SMAD9: variants seen among roughly 807,000 people sequenced by gnomAD.
SMAD9 encodes the protein SMAD family member 9, also known as MAD homolog 9.
A neutral mutation model predicts 46.1 loss-of-function variants in SMAD9; 36 were observed. The observed-to-expected ratio is 0.78, with a 90% CI of 0.60 to 1.03. The LOEUF is 1.03. Ranked by LOEUF, SMAD9 falls within the 50% of genes least tolerant of loss-of-function variation. SMAD9 has a pLI of 0.00. For synonymous variants in SMAD9, 245 were observed against 237.1 expected, an observed-to-expected ratio of 1.03 and a Z score of -0.31; for missense variants, 572 against 599.8, an observed-to-expected ratio of 0.95 and a Z score of 0.48.
intron 1 of SMAD9, among the ~76,000 whole-genome samples, chr13:36,887,560 T>C (rs2058457599): frequency 6.6e-6 from 1 of 152,162 alleles, no homozygotes; most frequent in Non-Finnish European, 1.5e-5. Flanking sequence ...TAGCTGCTTA[T>C]ATGGAGAACA....
At chr13:36,916,352 A>G (rs1226855792) in intron 1 of SMAD9, among the ~76,000 whole-genome samples, 2 of 152,188 alleles carry the variant, frequency 1.3e-5, no homozygotes, top group Admixed American at 1.3e-4. Context: ...TGCTAATGCA[A>G]TAAGAGTATC....
At position 36,853,482 on chromosome 13, in the gene SMAD9, G is replaced by A. The variant is rs753425325; in HGVS notation, c.1197C>T (p.His399=). The change falls in exon 6 of 7, where the codon CAC becomes CAT. Residue 399 remains histidine, a synonymous_variant. Transcript: ENST00000379826. ...GTTCATACACGACTTCAAAGCCGTG[G>A]TGAACTGACTGGGCCAGGAGCTGAG... ...LFAQLLAQSV[H]HGFEVVYELT... 17 of 1,614,084 alleles carry A rather than the reference G, an allele frequency of 1.1e-5. No individual in the cohort carries two copies. The highest frequency in any genetic ancestry group is 8.9e-5 in the East Asian group (4 of 44,864).
chr13:36,858,531 T>G (rs987347882), intron 5 of SMAD9, among the ~76,000 whole-genome samples: 1 of 152,194 alleles, frequency 6.6e-6, no homozygotes, highest in African/African-American at 2.4e-5. Context: ...CAAGCTTGTT[T>G]GGGTCCAACT....
Position 36,853,442 on chromosome 13 carries a change from T to C in SMAD9, c.1237A>G (p.Thr413Ala). 1 of 1,614,114 alleles carries C rather than the reference T, an allele frequency of 6.2e-7. No homozygotes were observed. Among genetic ancestry groups the C allele is most frequent in the Non-Finnish European group, 8.5e-7 (1 of 1,180,010 alleles). The change falls in exon 6 of 7, where the codon ACT becomes GCT. Residue 413 changes from threonine (T) to alanine (A), a missense_variant. Transcript: ENST00000379826. ...ACCTTAACAAAACTCATCCGGATAG[T>C]ACACATCTTGGTCAGTTCATACACG... ...EVVYELTKMC[T>A]IRMSFVKGWG...
chr13:36,905,290 C>A (rs1593621596), intron 1 of SMAD9, among the ~76,000 whole-genome samples: 2 of 152,300 alleles, frequency 1.3e-5, no homozygotes, highest in African/African-American at 4.8e-5. Flanking sequence ...CACTCCCATT[C>A]TTTCTCTGTT....
Position 36,879,514 on chromosome 13 carries a change from A to C in SMAD9, c.176T>G (p.Leu59Arg), listed in dbSNP as rs2058382093. Residue 59 changes from leucine to arginine, a missense_variant, in exon 2 of 7, where the codon CTC (leucine) becomes CGC (arginine). Leu to Arg is a moderately radical substitution (Grantham distance 102). Coordinates refer to ENST00000379826, the MANE Select transcript of SMAD9 (RefSeq NM_001127217.3). Reference sequence around the variant, plus strand: ...TTTGCTGGGCTGCCCCGGGCAGCTGAGAGCCCTCTCCAGCTCGTCCATGGC... The same window carrying C: ...TTTGCTGGGCTGCCCCGGGCAGCTGCGAGCCCTCTCCAGCTCGTCCATGGC... ...KGAMDELERA[L>R]SCPGQPSKCV... 2 of 1,614,138 alleles carry C rather than the reference A, an allele frequency of 1.2e-6. No individual in the cohort carries two copies. The highest frequency in any genetic ancestry group is 1.7e-6 in the Non-Finnish European group (2 of 1,180,024).
At chr13:36,890,482 G>C (rs1288518548) in intron 1 of SMAD9, among the ~76,000 whole-genome samples, 4 of 152,138 alleles carry the variant, frequency 2.6e-5, no homozygotes, top group Non-Finnish European at 1.5e-5. Flanking sequence ...CGTAGTCAAT[G>C]AACCAGTTTT....
At chr13:36,894,650 C>T (rs1296342385) in intron 1 of SMAD9, among the ~76,000 whole-genome samples, 2 of 152,120 alleles carry the variant, frequency 1.3e-5, no homozygotes, top group Non-Finnish European at 2.9e-5. Flanking sequence ...CTGACCTCTT[C>T]CTCTCCCCTC....
intron 1 of SMAD9, among the ~76,000 whole-genome samples, chr13:36,886,344 G>A (rs994579034): frequency 3.3e-5 from 5 of 152,264 alleles, no homozygotes; most frequent in Non-Finnish European, 5.9e-5. Context: ...ATCCAAGGCT[G>A]GGCCTGAGCT....
chr13:36,855,819 C>T (rs2138305742), intron 5 of SMAD9, among the ~76,000 whole-genome samples: 1 of 152,138 alleles, frequency 6.6e-6, no homozygotes, highest in African/African-American at 2.4e-5. Flanking sequence ...AGTATGTATC[C>T]CAACCACATC....
chr13:36,911,721 T>G (rs2058663569), intron 1 of SMAD9, among the ~76,000 whole-genome samples: 1 of 147,870 alleles, frequency 6.8e-6, no homozygotes, highest in African/African-American at 2.4e-5. Flanking sequence ...TATTTTTTAT[T>G]TTTTGAGACA....
intron 6 of SMAD9, chr13:36,849,349 A>AT (rs11355039): frequency 1.7e-4 from 25 of 150,518 alleles, no homozygotes; most frequent in Non-Finnish European, 2.5e-4. Context: ...GACAGTTAAA[A>AT]TTTTTTTTTT....
intron 1 of SMAD9, among the ~76,000 whole-genome samples, chr13:36,918,875 C>A (rs1370127571): frequency 6.6e-6 from 1 of 152,196 alleles, no homozygotes. Flanking sequence ...ACAAACGTTC[C>A]GCTCAGTTAC....
At chr13:36,857,426 T>C (rs1427370866) in intron 5 of SMAD9, among the ~76,000 whole-genome samples, 2 of 152,130 alleles carry the variant, frequency 1.3e-5, no homozygotes, top group Non-Finnish European at 2.9e-5. Context: ...GGGCTCTGTA[T>C]CTGCTTGGGC....
chr13:36,874,857 A>C (rs1213743421), intron 2 of SMAD9, among the ~76,000 whole-genome samples: 2 of 39,130 alleles, frequency 5.1e-5, no homozygotes, highest in African/African-American at 2.3e-4. Flanking sequence ...TCCGTCCCAA[A>C]AAAAAAAAAA....
chr13:36,907,108 T>C (rs1330190823), intron 1 of SMAD9, among the ~76,000 whole-genome samples: 1 of 152,126 alleles, frequency 6.6e-6, no homozygotes, highest in Admixed American at 6.5e-5. Context: ...CTTCAAAAGA[T>C]TATGCTGAGT....
In SMAD9 at chr13:36,846,490, AAAAAAAG is replaced by A. The variant is rs2058039379; in HGVS notation, c.*2179_*2185del. On this transcript the variant is annotated 3_prime_UTR_variant, in exon 7 of 7. Coordinates refer to ENST00000379826, the MANE Select transcript of SMAD9 (RefSeq NM_001127217.3). ...CTCCATCTCAAAAAAAAAAAAAAAA[AAAAAAAG>A]ATTACCAGAGGATAAGTTAGATAGC... The A allele has an allele frequency of 6.6e-6, 1 of 151,718 alleles. No individual in the cohort carries two copies. Among genetic ancestry groups the A allele is most frequent in the South Asian group, 2.1e-4 (1 of 4,798 alleles). 9.4% of individuals were successfully genotyped at this position (151,718 alleles called of 1,614,324 possible).
intron 1 of SMAD9, among the ~76,000 whole-genome samples, chr13:36,906,115 A>G (rs1338173756): frequency 6.6e-6 from 1 of 152,192 alleles, no homozygotes; most frequent in Admixed American, 6.6e-5. Context: ...CTACAGCCAC[A>G]AAGGCCAAAT....
intron 1 of SMAD9, among the ~76,000 whole-genome samples, chr13:36,909,773 T>C (rs1376210765): frequency 1.3e-5 from 2 of 152,216 alleles, no homozygotes; most frequent in East Asian, 3.8e-4. Flanking sequence ...GCAGAAGTAC[T>C]GAGGGGATGT....
Sources: allele counts gnomAD v4.1 joint callset (sites outside exome capture counted in the v4.1 genomes callset), GRCh38; gene constraint gnomAD v4.1.1; transcripts MANE v1.5; gene names NCBI Gene and HGNC (gene_info 2026-07-23, HGNC 2026-07-21).